CSMD2: variants seen among roughly 807,000 people sequenced by gnomAD.
CSMD2 encodes CUB and sushi domain-containing protein 2.
Under a neutral mutation model 398.5 loss-of-function variants are expected in CSMD2, and 130 were observed. The ratio of observed to expected loss-of-function variants is 0.33; its 90% CI spans 0.28 to 0.38. The LOEUF is 0.38. CSMD2 is among the 10% of genes least tolerant of loss of function. CSMD2 has a pLI of 1.00. For missense variants in CSMD2, 3,829 were observed against 4,764.9 expected, an observed-to-expected ratio of 0.80 and a Z score of 5.78; for synonymous variants, 1,828 against 1,908.5, an observed-to-expected ratio of 0.96 and a Z score of 1.10.
chr1:34,151,262 A>G lies in CSMD2; in HGVS notation c.187+13649T>C, dbSNP rs138089254. On this transcript the variant is annotated intron_variant, in intron 1 of 70. Transcript: ENST00000373381. The stretch of plus-strand genomic sequence containing the variant: ...AAAGGTATTTGTGTCCATGACCCCC[A>G]ACCCAGGGCCACTGCACTAGGTACT... Among the ~76,000 whole-genome samples the G allele has an allele frequency of 7.9e-3, 1,201 of 152,242 alleles. 4 individuals are homozygous for G. The highest frequency in any genetic ancestry group is 9.7e-3 in the Non-Finnish European group (662 of 68,020).
intron 2 of CSMD2, among the ~76,000 whole-genome samples, chr1:34,066,644 G>T (rs1169661514): frequency 6.6e-6 from 1 of 152,172 alleles, no homozygotes; most frequent in Non-Finnish European, 1.5e-5. Flanking sequence ...CTCAAGAGAG[G>T]CAGGTGGAGT....
chr1:34,049,668 T>G (rs1466971762), intron 2 of CSMD2, among the ~76,000 whole-genome samples: 1 of 152,182 alleles, frequency 6.6e-6, no homozygotes, highest in African/African-American at 2.4e-5. Flanking sequence ...GTGGCAAGCT[T>G]TAAGGGACTG....
chr1:33,812,607 T>C (rs1332830049), intron 9 of CSMD2, among the ~76,000 whole-genome samples: 1 of 152,152 alleles, frequency 6.6e-6, no homozygotes, highest in Non-Finnish European at 1.5e-5. Context: ...AACTTAGCCT[T>C]CTGGATCTAA....
rs771263562 is a variant in CSMD2 at position 33,810,834 on chromosome 1, G to A, written c.1355C>T (p.Pro452Leu). ...ARMCDAHLRG[P>L]SGIITSPNFP... ...ATTGGGGGAGGTGATGATGCCCGAG[G>A]GGCCTCGAAGGTGGGCATCACACAT... is the stretch of plus-strand genomic sequence containing the variant. Residue 452 changes from proline to leucine, a missense_variant, in exon 10 of 71, where the codon CCC becomes CTC. Physicochemically the swap from Pro to Leu is moderately conservative, Grantham distance 98 (BLOSUM62 -3). This residue lies in a region of CSMD2 where 2,001 missense variants were observed against 2,567.1 expected (regional missense o/e 0.78). Transcript: ENST00000373381. 4 of 1,612,550 alleles carry A rather than the reference G, an allele frequency of 2.5e-6. No individual in the cohort carries two copies. In the African/African-American group the frequency reaches 4.0e-5, roughly 16 times the overall value.
chr1:33,779,855 C>T (rs1652485539), intron 12 of CSMD2, among the ~76,000 whole-genome samples: 1 of 152,138 alleles, frequency 6.6e-6, no homozygotes, highest in Non-Finnish European at 1.5e-5. Context: ...CCCAGCTTTT[C>T]TAGTGAAGTG....
intron 5 of CSMD2, among the ~76,000 whole-genome samples, chr1:33,873,348 A>T (rs1347158107): frequency 6.6e-6 from 1 of 152,088 alleles, no homozygotes. Context: ...ATGACTCTAA[A>T]TTTCTTTCTC....
intron 12 of CSMD2, among the ~76,000 whole-genome samples, chr1:33,783,450 TCTC>T (rs1653075708): frequency 6.9e-6 from 1 of 144,786 alleles, no homozygotes; most frequent in African/African-American, 2.8e-5. Flanking sequence ...TCTCTCTCTC[TCTC>T]TCTCTCTCTC....
At chr1:33,833,383 A>T (rs1396486143) in intron 6 of CSMD2, among the ~76,000 whole-genome samples, 6 of 150,162 alleles carry the variant, frequency 4.0e-5, no homozygotes, top group Non-Finnish European at 4.4e-5. Context: ...GCATATAAAC[A>T]GAGCCAAAGA....
intron 2 of CSMD2, among the ~76,000 whole-genome samples, chr1:34,072,902 T>G (rs560200897): frequency 1.7e-4 from 26 of 152,242 alleles, no homozygotes; most frequent in African/African-American, 5.5e-4. Context: ...GCCTCATCCC[T>G]GGCAGACCCC....
chr1:33,644,949 C>T (rs768066259), intron 29 of CSMD2, among the ~76,000 whole-genome samples: 13 of 152,178 alleles, frequency 8.5e-5, no homozygotes, highest in Non-Finnish European at 1.8e-4. Context: ...CCATTTTGCA[C>T]ACCAGTCTTC....
chr1:33,749,092 CTTTTTTTTTTTTT>C (rs72469561), intron 13 of CSMD2, among the ~76,000 whole-genome samples: 10 of 87,796 alleles, frequency 1.1e-4, no homozygotes, highest in Non-Finnish European at 1.8e-4. Context: ...ATACAGACTT[CTTTTTTTTTTTTT>C]TTTTTTTTTT....
intron 1 of CSMD2, among the ~76,000 whole-genome samples, chr1:34,117,135 A>C (rs1043560017): frequency 2.0e-5 from 3 of 152,128 alleles, no homozygotes; most frequent in Non-Finnish European, 2.9e-5. Flanking sequence ...CAAAATCATA[A>C]AGATTAGAGC....
At chr1:33,847,083 G>A in intron 5 of CSMD2, 87 bp from the exon 6 acceptor site, 1 of 832,496 alleles carries the variant, frequency 1.2e-6, no homozygotes, top group Non-Finnish European at 1.9e-6. Context: ...CACTTCCCTT[G>A]AGTGCCAAGG....
chr1:33,891,023 T>C (rs1469392591), intron 5 of CSMD2, among the ~76,000 whole-genome samples: 3 of 152,068 alleles, frequency 2.0e-5, no homozygotes, highest in Non-Finnish European at 4.4e-5. Context: ...CCAAAAGCAA[T>C]GGCAACAAAA....
chr1:34,011,152 G>A (rs1255958579), intron 3 of CSMD2, among the ~76,000 whole-genome samples: 2 of 152,170 alleles, frequency 1.3e-5, no homozygotes, highest in Non-Finnish European at 2.9e-5. Flanking sequence ...GGCTCCAGGA[G>A]GTCTCAGGGA....
intron 10 of CSMD2, among the ~76,000 whole-genome samples, chr1:33,804,076 C>G (rs955770444): frequency 1.6e-4 from 25 of 152,224 alleles, no homozygotes; most frequent in African/African-American, 5.8e-4. Flanking sequence ...GTTTCTTTAT[C>G]TACCAAATAG....
chr1:33,801,458 G>A (rs1655599116), intron 10 of CSMD2, among the ~76,000 whole-genome samples: 1 of 152,136 alleles, frequency 6.6e-6, no homozygotes, highest in South Asian at 2.1e-4. Flanking sequence ...GAGGAAGAAG[G>A]CCTGAATCTC....
At chr1:33,805,532 C>T (rs1230669820) in intron 10 of CSMD2, among the ~76,000 whole-genome samples, 1 of 151,950 alleles carries the variant, frequency 6.6e-6, no homozygotes, top group African/African-American at 2.4e-5. Context: ...CAGCTTTTTC[C>T]AAGTTAGTGT....
chr1:33,667,866 C>T (rs1045380245), intron 25 of CSMD2, among the ~76,000 whole-genome samples: 5 of 152,146 alleles, frequency 3.3e-5, no homozygotes, highest in African/African-American at 1.2e-4. Flanking sequence ...CTCCCATATG[C>T]GGGGTGCTGC....
Sources: allele counts gnomAD v4.1 joint callset (sites outside exome capture counted in the v4.1 genomes callset), GRCh38; gene constraint gnomAD v4.1.1; regional missense constraint gnomAD v4.1.1; transcripts MANE v1.5; gene names NCBI Gene and HGNC (gene_info 2026-07-23, HGNC 2026-07-21).